Variants in NIBAN1 observed in about 807,000 individuals in gnomAD.
The protein encoded by NIBAN1 is protein Niban 1.
Under a neutral mutation model 75.1 loss-of-function variants are expected in NIBAN1, and 81 were observed. The observed-to-expected ratio is 1.08, with a 90% confidence interval of 0.90 to 1.30. The LOEUF is 1.30. Among genes scored for constraint, NIBAN1 ranks in the 50% most tolerant of loss-of-function variants. NIBAN1 has a pLI of 0.00. For synonymous variants in NIBAN1, 436 were observed against 424.8 expected (o/e 1.03, Z -0.32); for missense variants, 1,133 against 1,128.1 (o/e 1.00, Z -0.06).
chr1:184,882,973 T>G (rs544506213), intron 5 of NIBAN1, among the ~76,000 whole-genome samples: 2 of 152,338 alleles, frequency 1.3e-5, no homozygotes, highest in South Asian at 4.1e-4. Flanking sequence ...TCCAGTATGA[T>G]GATGAATGTT....
In NIBAN1 at chr1:184,800,711, A is replaced by G. The variant is rs141028631; in HGVS notation, c.1555-2521T>C. ...CGCAACTATATCTACGCCATATAATAATCATAAATATAACTGCTGTGAACA... is the reference window on the plus strand; with the variant it reads ...CGCAACTATATCTACGCCATATAATGATCATAAATATAACTGCTGTGAACA... On this transcript the variant is annotated intron_variant, in intron 12 of 13. Transcript: ENST00000367511. Among the ~76,000 whole-genome samples, 452 of 152,360 alleles carry G rather than the reference A, an allele frequency of 3.0e-3. 5 individuals are homozygous for G. In the East Asian group the frequency reaches 0.037, roughly 12 times the overall value.
At chr1:184,943,086 G>A (rs1658136665) in intron 1 of NIBAN1, among the ~76,000 whole-genome samples, 1 of 152,180 alleles carries the variant, frequency 6.6e-6, no homozygotes, top group African/African-American at 2.4e-5. Flanking sequence ...ATGATCTGCT[G>A]AAAGCTTTGG....
chr1:184,962,336 A>T (rs1658670895), intron 1 of NIBAN1, among the ~76,000 whole-genome samples: 1 of 152,198 alleles, frequency 6.6e-6, no homozygotes, highest in Non-Finnish European at 1.5e-5. Context: ...ATTTGGTATG[A>T]TAAAGCAAAT....
chr1:184,815,706 A>T (rs1654508692), intron 9 of NIBAN1, among the ~76,000 whole-genome samples: 1 of 152,224 alleles, frequency 6.6e-6, no homozygotes, highest in Non-Finnish European at 1.5e-5. Flanking sequence ...TAATAGATAA[A>T]AAATGAAGGC....
At chr1:184,871,347 CAAAAAAAAAAAAAAA>C (rs10658216) in intron 5 of NIBAN1, among the ~76,000 whole-genome samples, 1 of 34,566 alleles carries the variant, frequency 2.9e-5, no homozygotes, top group Non-Finnish European at 9.4e-5. Flanking sequence ...AACTCTATCT[CAAAAAAAAAAAAAAA>C]AAAAAAAAAA....
chr1:184,947,626 AC>A (rs1325959151), intron 1 of NIBAN1, among the ~76,000 whole-genome samples: 1 of 151,980 alleles, frequency 6.6e-6, no homozygotes, highest in Non-Finnish European at 1.5e-5. Flanking sequence ...TGTATATTGA[AC>A]CCCCCTTCCT....
At chr1:184,856,770 A>T (rs539501761) in intron 5 of NIBAN1, among the ~76,000 whole-genome samples, 1 of 152,296 alleles carries the variant, frequency 6.6e-6, no homozygotes, top group East Asian at 1.9e-4. Flanking sequence ...GATCCCCGGC[A>T]CTCTGAACAA....
chr1:184,833,141 A>G (rs1008381939), intron 5 of NIBAN1, among the ~76,000 whole-genome samples: 24 of 151,828 alleles, frequency 1.6e-4, no homozygotes, highest in African/African-American at 4.8e-4. Context: ...AGGAGGAACC[A>G]TCACAGCTTT....
chr1:184,851,642 A>T (rs9988515), intron 5 of NIBAN1, among the ~76,000 whole-genome samples: 4,997 of 8,942 alleles, frequency 0.56, 1,402 homozygotes, highest in African/African-American at 0.7. Context: ...AAAAAAAAAA[A>T]TTAAAAAAAA....
intron 6 of NIBAN1, 64 bp downstream of exon 6, chr1:184,831,783 C>G (rs1272708878): frequency 8.7e-7 from 1 of 1,152,368 alleles, no homozygotes. Flanking sequence ...TAAAATGACC[C>G]TGACTTCGTA....
chr1:184,919,637 T>A (rs1657477084), intron 1 of NIBAN1, among the ~76,000 whole-genome samples: 1 of 152,112 alleles, frequency 6.6e-6, no homozygotes, highest in Non-Finnish European at 1.5e-5. Context: ...TGCTTTGTCA[T>A]CTGTTTTGCT....
At chr1:184,842,516 G>A (rs967649855) in intron 5 of NIBAN1, among the ~76,000 whole-genome samples, 2 of 152,174 alleles carry the variant, frequency 1.3e-5, no homozygotes, top group African/African-American at 4.8e-5. Flanking sequence ...TACTTTGGGA[G>A]GCCGAGGCAG....
Position 184,803,684 on chromosome 1 carries a change from A to ATT in NIBAN1, c.1454_1455insAA (p.Asp485GlufsTer17). On this transcript the variant is annotated frameshift_variant, in exon 12 of 14. Coordinates refer to ENST00000367511, the MANE Select transcript of NIBAN1 (RefSeq NM_052966.4). LOFTEE classifies it high-confidence loss of function. ...TCTTTCGGATGGTGCTGCTGTCATA[A>ATT]TCATATTGCTGTCAATAAAGAAACA... 1 of 1,613,692 alleles carries ATT rather than the reference A, an allele frequency of 6.2e-7. No homozygotes were observed. Among genetic ancestry groups the ATT allele is most frequent in the Non-Finnish European group, 8.5e-7 (1 of 1,179,566 alleles).
intron 4 of NIBAN1, among the ~76,000 whole-genome samples, chr1:184,889,850 G>A (rs1656619768): frequency 6.6e-6 from 1 of 152,168 alleles, no homozygotes; most frequent in Non-Finnish European, 1.5e-5. Flanking sequence ...CTCAACCTTG[G>A]CACTACTGAT....
At chr1:184,873,485 C>T (rs866320696) in intron 5 of NIBAN1, among the ~76,000 whole-genome samples, 183 of 152,304 alleles carry the variant, frequency 1.2e-3, no homozygotes, top group African/African-American at 4.2e-3. Flanking sequence ...GAAACGTGCC[C>T]TCCTGGTACC....
At chr1:184,880,751 A>G (rs1009990754) in intron 5 of NIBAN1, among the ~76,000 whole-genome samples, 5 of 152,158 alleles carry the variant, frequency 3.3e-5, no homozygotes, top group African/African-American at 1.2e-4. Context: ...CATAACTACA[A>G]TCGTATTTTG....
At position 184,851,954 on chromosome 1, in the gene NIBAN1, G is replaced by A. The variant is rs1655550796; in HGVS notation, c.602-19992C>T. On this transcript the variant is annotated intron_variant, in intron 5 of 13. Coordinates refer to ENST00000367511, the MANE Select transcript of NIBAN1 (RefSeq NM_052966.4). ...AGAATCTCAGAGAGCTCCCGTGAGCGCTGGCAGCTTCCAAAGCCCAGCACG... is the reference window on the plus strand; with the variant it reads ...AGAATCTCAGAGAGCTCCCGTGAGCACTGGCAGCTTCCAAAGCCCAGCACG... 2.6e-5 allele frequency among the ~76,000 whole-genome samples: 4 copies of A among 151,768 alleles called. No homozygotes were observed. The South Asian group carries it at 8.3e-4, about 31-fold the overall frequency.
At chr1:184,809,669 G>T (rs1387747067) in intron 9 of NIBAN1, among the ~76,000 whole-genome samples, 1 of 132,618 alleles carries the variant, frequency 7.5e-6, no homozygotes, top group Non-Finnish European at 1.5e-5. Flanking sequence ...ATATATGTGT[G>T]TGTGTATATA....
intron 5 of NIBAN1, among the ~76,000 whole-genome samples, chr1:184,853,518 T>A (rs1239821940): frequency 6.6e-6 from 1 of 152,264 alleles, no homozygotes; most frequent in African/African-American, 2.4e-5. Flanking sequence ...TGATTCATCC[T>A]ATTTTTAAAA....
Sources: gnomAD v4.1 joint callset for allele counts (sites outside exome capture counted in the v4.1 genomes callset) on GRCh38, gnomAD v4.1.1 for gene constraint, MANE v1.5 for transcripts, NCBI Gene and HGNC (gene_info 2026-07-23, HGNC 2026-07-21) for gene names.